RGS7: variants seen among roughly 807,000 people sequenced by gnomAD.
RGS7 encodes the protein regulator of G-protein signaling 7.
A neutral mutation model predicts 81.1 loss-of-function variants in RGS7; 27 were observed. The ratio of observed to expected loss-of-function variants is 0.33; its 90% CI spans 0.25 to 0.46. RGS7 has a LOEUF of 0.46. Ranked by LOEUF, RGS7 falls within the 20% of genes least tolerant of loss-of-function variation. RGS7 has a pLI of 1.00. For synonymous variants in RGS7, 208 were observed against 207.7 expected, an observed-to-expected ratio of 1.00 and a Z score of -0.01; for missense variants, 396 against 607.4, an observed-to-expected ratio of 0.65 and a Z score of 3.66.
At chr1:241,001,020 T>G (rs576187351) in intron 3 of RGS7, among the ~76,000 whole-genome samples, 1 of 152,206 alleles carries the variant, frequency 6.6e-6, no homozygotes, top group East Asian at 1.9e-4. Flanking sequence ...AGTGACCACC[T>G]TACTGGACAC....
At chr1:241,302,269 GC>G (rs1260371665) in intron 2 of RGS7, among the ~76,000 whole-genome samples, 1 of 151,028 alleles carries the variant, frequency 6.6e-6, no homozygotes, top group Non-Finnish European at 1.5e-5. Context: ...GCTTCGGCCG[GC>G]CGGGCGCGGT....
intron 2 of RGS7, among the ~76,000 whole-genome samples, chr1:241,346,303 T>TA (rs35754863): frequency 0.95 from 144,180 of 152,220 alleles, 68,776 homozygotes; most frequent in East Asian, 1. Flanking sequence ...TTTGCCATGG[T>TA]AAATAAGCTC....
rs190031038 is a variant in RGS7, at chr1:241,247,474, G to A, written c.78+108225C>T. ...AGGTGGAGACGAGAGACTGAGGGGA[G>A]TCTGATCTCTCTTTCCCCCACAGGT... is the stretch of plus-strand genomic sequence containing the variant. On this transcript the variant is annotated intron_variant, in intron 2 of 18. Transcript: ENST00000440928. 6.3e-3 allele frequency among the ~76,000 whole-genome samples: 966 copies of A among 152,258 alleles called. 5 individuals are homozygous for A. Among genetic ancestry groups the A allele is most frequent in the South Asian group, 0.026 (123 of 4,822 alleles).
At chr1:240,822,754 T>A (rs1692031343) in intron 10 of RGS7, among the ~76,000 whole-genome samples, 1 of 152,210 alleles carries the variant, frequency 6.6e-6, no homozygotes, top group African/African-American at 2.4e-5. Context: ...AATATATATT[T>A]TTTAAATATT....
chr1:240,957,999 T>C (rs1279198894), intron 4 of RGS7, among the ~76,000 whole-genome samples: 1 of 151,562 alleles, frequency 6.6e-6, no homozygotes. Flanking sequence ...TTAGTAGGAG[T>C]CCAATGAGGA....
intron 2 of RGS7, among the ~76,000 whole-genome samples, chr1:241,127,616 A>C (rs1055878456): frequency 6.6e-6 from 1 of 152,156 alleles, no homozygotes; most frequent in African/African-American, 2.4e-5. Context: ...TGGGTGCAGC[A>C]CACCAACATG....
chr1:240,988,673 T>G (rs1298512254), intron 3 of RGS7, among the ~76,000 whole-genome samples: 2 of 152,200 alleles, frequency 1.3e-5, no homozygotes, highest in Non-Finnish European at 2.9e-5. Context: ...CAAAGCAACC[T>G]TCAACCAAAG....
chr1:241,098,400 C>G (rs545776518), intron 3 of RGS7, among the ~76,000 whole-genome samples: 38 of 152,100 alleles, frequency 2.5e-4, no homozygotes, highest in Non-Finnish European at 5.9e-5. Context: ...GTTTTTTATA[C>G]GTCTTTATTT....
At chr1:241,022,975 T>C (rs2059612603) in intron 3 of RGS7, among the ~76,000 whole-genome samples, 1 of 152,024 alleles carries the variant, frequency 6.6e-6, no homozygotes, top group Non-Finnish European at 1.5e-5. Context: ...ATAACAACTA[T>C]TGTTGTTAAA....
At chr1:240,869,771 C>A (rs1479618640) in intron 7 of RGS7, among the ~76,000 whole-genome samples, 4 of 152,046 alleles carry the variant, frequency 2.6e-5, no homozygotes, top group African/African-American at 9.7e-5. Flanking sequence ...GAAACCCAGT[C>A]TCTACTAAAA....
At chr1:240,945,887 G>A (rs1678518274) in intron 4 of RGS7, among the ~76,000 whole-genome samples, 1 of 151,970 alleles carries the variant, frequency 6.6e-6, no homozygotes, top group African/African-American at 2.4e-5. Context: ...ATGAGTTTTA[G>A]TAACTAAAAT....
intron 2 of RGS7, among the ~76,000 whole-genome samples, chr1:241,345,073 T>A (rs1167077723): frequency 6.6e-6 from 1 of 152,194 alleles, no homozygotes; most frequent in Non-Finnish European, 1.5e-5. Context: ...AACAAGATCA[T>A]GTCTTTTGTG....
intron 4 of RGS7, among the ~76,000 whole-genome samples, chr1:240,963,820 C>T (rs534977979): frequency 6.6e-5 from 10 of 152,258 alleles, no homozygotes; most frequent in Admixed American, 3.9e-4. Context: ...TAAGCCTATA[C>T]AGATATGGCT....
intron 2 of RGS7, among the ~76,000 whole-genome samples, chr1:241,300,849 G>A (rs2148498383): frequency 6.6e-6 from 1 of 152,360 alleles, no homozygotes. Context: ...TTCTTCCAAA[G>A]TGGCTGTACC....
chr1:241,339,761 T>C (rs1489689349), intron 2 of RGS7, among the ~76,000 whole-genome samples: 1 of 152,174 alleles, frequency 6.6e-6, no homozygotes, highest in East Asian at 1.9e-4. Context: ...GCTTTCTGAA[T>C]ATTACATCCC....
chr1:240,780,670 C>T (rs919178577), intron 18 of RGS7, among the ~76,000 whole-genome samples: 2 of 152,062 alleles, frequency 1.3e-5, no homozygotes, highest in East Asian at 3.9e-4. Context: ...AATCTCAGCA[C>T]TTTGGGAGAG....
chr1:240,953,918 G>C (rs1679948071), intron 4 of RGS7, among the ~76,000 whole-genome samples: 1 of 151,950 alleles, frequency 6.6e-6, no homozygotes. Flanking sequence ...TCAGAGAGTG[G>C]TCATCATTAA....
chr1:240,971,546 G>A (rs565466358), intron 4 of RGS7, among the ~76,000 whole-genome samples: 27 of 152,284 alleles, frequency 1.8e-4, no homozygotes, highest in African/African-American at 6.5e-4. Flanking sequence ...GCCAGGGTGT[G>A]GGATGAGAGC....
chr1:240,912,998 T>C, intron 6 of RGS7, among the ~76,000 whole-genome samples: 1 of 152,122 alleles, frequency 6.6e-6, no homozygotes, highest in Non-Finnish European at 1.5e-5. Context: ...CACAGGTCGG[T>C]AGGAATTAAT....
Sources: gnomAD v4.1 joint callset for allele counts (sites outside exome capture counted in the v4.1 genomes callset) on GRCh38, gnomAD v4.1.1 for gene constraint, MANE v1.5 for transcripts, NCBI Gene and HGNC (gene_info 2026-07-23, HGNC 2026-07-21) for gene names.